UNC5B: variants seen among roughly 807,000 people sequenced by gnomAD.
UNC5B encodes the protein netrin receptor UNC5B.
Under a neutral mutation model 103.7 loss-of-function variants are expected in UNC5B, and 56 were observed. The observed-to-expected ratio is 0.54, with a 90% CI of 0.44 to 0.67. UNC5B has a LOEUF of 0.67. Ranked by LOEUF, UNC5B falls within the 30% of genes least tolerant of loss-of-function variation. The probability of loss-of-function intolerance (pLI) is 0.00; values close to 1 mark genes in which losing one functional copy is unlikely to be tolerated. For synonymous variants in UNC5B, 577 were observed against 542.0 expected (o/e 1.06, Z -0.90); for missense variants, 1,194 against 1,284.5 (o/e 0.93, Z 1.08).
intron 1 of UNC5B, among the ~76,000 whole-genome samples, chr10:71,278,212 T>C (rs1003885608): frequency 5.9e-5 from 9 of 152,226 alleles, no homozygotes; most frequent in African/African-American, 1.9e-4. Flanking sequence ...TAGCACCTGA[T>C]GCTGGGTGAG....
rs1451709799 is a variant in UNC5B at position 71,290,921 on chromosome 10, A to G, written c.1106A>G (p.Glu369Gly). The change falls in exon 9 of 17, where the codon GAG (glutamate) becomes GGG (glycine). Residue 369 changes from glutamate (E) to glycine (G), a missense_variant. Transcript: ENST00000335350. ...TLSDPNSHLLEASGDAALYAG... is the reference protein window; with the variant it reads ...TLSDPNSHLLGASGDAALYAG... ...GGTCCTCCTGTCCCCGCAGTGCTGG[A>G]GGCCTCAGGGGATGCGGCGCTGTAT... The G allele has an allele frequency of 6.2e-7, 1 of 1,611,856 alleles. No individual in the cohort carries two copies. Among genetic ancestry groups the G allele is most frequent in the East Asian group, 2.2e-5 (1 of 44,842 alleles).
At chr10:71,269,661 C>T (rs1038153232) in intron 1 of UNC5B, among the ~76,000 whole-genome samples, 12 of 152,026 alleles carry the variant, frequency 7.9e-5, no homozygotes, top group South Asian at 2.1e-4. Flanking sequence ...CCATCTACAC[C>T]GCAAACAAGA....
rs183228160 is a variant in UNC5B, at chr10:71,286,862, C to T, written c.726C>T (p.Ile242=). 17 of 1,613,940 alleles carry T rather than the reference C, an allele frequency of 1.1e-5. No homozygotes were observed. The highest frequency in any genetic ancestry group is 5.0e-5 in the Admixed American group (3 of 60,024). The change falls in exon 5 of 17, where the codon ATC becomes ATT. Residue 242 remains isoleucine (I), a synonymous_variant. Coordinates refer to ENST00000335350, the MANE Select transcript of UNC5B (RefSeq NM_170744.5). ...GCCGGAGCACCACTGCCACCGTCAT[C>T]GTCTACGGTGCGGGCCTTTCGGAGT... The part of the protein sequence containing the change: ...AKRRSTTATV[I]VYVNGGWSSW...
intron 16 of UNC5B, 90 bp from the exon 17 acceptor site, chr10:71,299,022 C>T: frequency 6.5e-7 from 1 of 1,533,318 alleles, no homozygotes. Context: ...AGCTCACAGC[C>T]TTCCCACTTC....
chr10:71,301,743 G>C lies in UNC5B; in HGVS notation c.*2466G>C, dbSNP rs1401370687. 1 of 152,196 alleles carries C rather than the reference G, an allele frequency of 6.6e-6. No homozygotes were observed. Among genetic ancestry groups the C allele is most frequent in the African/African-American group, 2.4e-5 (1 of 41,396 alleles). 9.4% of individuals were successfully genotyped at this position (152,196 alleles called of 1,614,324 possible). The stretch of plus-strand genomic sequence containing the variant: ...CCATTAAACTGCTGTGCGACTTCAG[G>C]CATATCACTGCCTTCTCTGGGCTTC... On this transcript the variant is annotated 3_prime_UTR_variant, in exon 17 of 17. Coordinates refer to ENST00000335350, the MANE Select transcript of UNC5B (RefSeq NM_170744.5).
At position 71,299,673 on chromosome 10, in the gene UNC5B, AT is replaced by A. The variant is rs1468717027; in HGVS notation, c.*399del. ...TTCTCGTTTTCTTCCTCCGTTATTG[AT>A]TTCTCCTTTCTCCCTAAGCCCCCTT... On this transcript the variant is annotated 3_prime_UTR_variant, in exon 17 of 17. Transcript: ENST00000335350. The A allele has an allele frequency of 2.8e-5, 5 of 180,718 alleles. No homozygotes were observed. The East Asian group carries it at 7.2e-4, about 26-fold the overall frequency. 11.2% of individuals were successfully genotyped at this position (180,718 alleles called of 1,614,324 possible). A position where few individuals can be genotyped will look rare whatever the true frequency, so the allele number is the denominator to read the frequency against.
intron 1 of UNC5B, among the ~76,000 whole-genome samples, chr10:71,229,828 G>C (rs1462155597): frequency 6.6e-6 from 1 of 152,166 alleles, no homozygotes; most frequent in Non-Finnish European, 1.5e-5. Context: ...CCCTTGGCTT[G>C]AGTAAGAGCT....
chr10:71,276,923 G>A (rs7081019), intron 1 of UNC5B, among the ~76,000 whole-genome samples: 1,935 of 152,172 alleles, frequency 0.013, 51 homozygotes, highest in African/African-American at 0.043. Flanking sequence ...AGAGCCATCC[G>A]GTACTGCTGC....
At chr10:71,217,075 A>C (rs1006800061) in intron 1 of UNC5B, 1 of 152,780 alleles carries the variant, frequency 6.5e-6, no homozygotes, top group African/African-American at 2.4e-5. Context: ...GATGGCCCCC[A>C]GAGGGTAGGG....
chr10:71,212,931 C>T lies in UNC5B; in HGVS notation c.-55C>T. On this transcript the variant is annotated 5_prime_UTR_variant, in exon 1 of 17. Transcript: ENST00000335350. ...GGCGGCGGAGACGGCGGCGGCGAGA[C>T]TGGGGCCAGGGAGACAGCCCTGGGG... 1 of 1,234,890 alleles carries T rather than the reference C, an allele frequency of 8.1e-7. No individual in the cohort carries two copies. Among genetic ancestry groups the T allele is most frequent in the Non-Finnish European group, 1.0e-6 (1 of 982,096 alleles). The allele number at this position is 1,234,890 out of a possible 1,614,324, so 76.5% of individuals were successfully genotyped here.
At chr10:71,268,354 T>G (rs552537255) in intron 1 of UNC5B, among the ~76,000 whole-genome samples, 2 of 152,380 alleles carry the variant, frequency 1.3e-5, no homozygotes, top group Admixed American at 6.5e-5. Flanking sequence ...TGACTTCTTT[T>G]ATGCCAGTGT....
chr10:71,272,793 A>C (rs1384573057), intron 1 of UNC5B, among the ~76,000 whole-genome samples: 2 of 152,224 alleles, frequency 1.3e-5, no homozygotes, highest in Admixed American at 1.3e-4. Context: ...CCAAGGAAAC[A>C]GTCTGTGGGG....
At chr10:71,285,206 C>T (rs1156802674) in intron 3 of UNC5B, 120 bp from the exon 4 acceptor site, 11 of 1,061,214 alleles carry the variant, frequency 1.0e-5, no homozygotes, top group Middle Eastern at 4.3e-4. Context: ...CAGGCAAAGG[C>T]CAGGTGGGCC....
chr10:71,292,144 G>A (rs1845281324), intron 10 of UNC5B, among the ~76,000 whole-genome samples: 1 of 152,184 alleles, frequency 6.6e-6, no homozygotes, highest in Non-Finnish European at 1.5e-5. Context: ...GCAGCAGAGG[G>A]ACAGGGGCGC....
intron 1 of UNC5B, among the ~76,000 whole-genome samples, chr10:71,260,577 G>T (rs558942941): frequency 6.6e-6 from 1 of 152,308 alleles, no homozygotes; most frequent in East Asian, 1.9e-4. Flanking sequence ...GGGGGAGGCT[G>T]GGGGGCATCA....
At chr10:71,232,090 A>AG (rs1266389622) in intron 1 of UNC5B, among the ~76,000 whole-genome samples, 15 of 152,368 alleles carry the variant, frequency 9.8e-5, no homozygotes, top group Non-Finnish European at 1.6e-4. Flanking sequence ...AGATGAAGAA[A>AG]GGGATACCCT....
chr10:71,215,579 G>C (rs1442015169), intron 1 of UNC5B, among the ~76,000 whole-genome samples: 1 of 152,002 alleles, frequency 6.6e-6, no homozygotes, highest in African/African-American at 2.4e-5. Flanking sequence ...TAAAACCCCA[G>C]ACCCTTAGAA....
At chr10:71,222,516 C>G (rs1843472501) in intron 1 of UNC5B, among the ~76,000 whole-genome samples, 1 of 45,354 alleles carries the variant, frequency 2.2e-5, no homozygotes, top group South Asian at 3.2e-3. Flanking sequence ...TCTTCCTGCC[C>G]CTCCTCCACC....
chr10:71,298,177 A>G (rs1589210709), intron 16 of UNC5B, 87 bp downstream of exon 16: 2 of 1,457,882 alleles, frequency 1.4e-6, no homozygotes, highest in East Asian at 4.7e-5. Flanking sequence ...CCTGACAGCC[A>G]CGACCATCTC....
Sources: gnomAD v4.1 joint callset for allele counts (sites outside exome capture counted in the v4.1 genomes callset) on GRCh38, gnomAD v4.1.1 for gene constraint, MANE v1.5 for transcripts, NCBI Gene and HGNC (gene_info 2026-07-23, HGNC 2026-07-21) for gene names.